RIMS2: variants seen among roughly 807,000 people sequenced by gnomAD.
RIMS2 encodes regulating synaptic membrane exocytosis protein 2.
In RIMS2, 59 loss-of-function variants were observed where a neutral mutation model predicts 174.4. That is an observed-to-expected ratio of 0.34 (90% CI 0.27 to 0.42). The LOEUF (loss-of-function observed/expected upper bound fraction) is 0.42. Ranked by LOEUF, RIMS2 falls within the 10% of genes least tolerant of loss-of-function variation. The pLI is 1.00. For missense variants in RIMS2, 1,620 were observed against 1,666.3 expected (o/e 0.97, Z 0.48); for synonymous variants, 606 against 572.5 (o/e 1.06, Z -0.84).
At chr8:103,539,959 C>T (rs570508905) in intron 1 of RIMS2, among the ~76,000 whole-genome samples, 2 of 152,364 alleles carry the variant, frequency 1.3e-5, no homozygotes, top group East Asian at 3.9e-4. Flanking sequence ...GCTCAGCCAC[C>T]TAACAGAGCA....
intron 3 of RIMS2, among the ~76,000 whole-genome samples, chr8:103,788,781 A>G (rs1402584888): frequency 0.026 from 3,087 of 120,942 alleles, no homozygotes; most frequent in African/African-American, 0.048. Context: ...GGCCTCCTTG[A>G]GCTGTGGTGG....
chr8:103,834,801 G>A (rs1051174413), intron 3 of RIMS2, among the ~76,000 whole-genome samples: 1 of 148,430 alleles, frequency 6.7e-6, no homozygotes, highest in Non-Finnish European at 1.5e-5. Flanking sequence ...TCGAGACAGG[G>A]TCTCACTGTA....
At chr8:104,207,277 T>A (rs1350357880) in intron 19 of RIMS2, among the ~76,000 whole-genome samples, 1 of 152,168 alleles carries the variant, frequency 6.6e-6, no homozygotes, top group Non-Finnish European at 1.5e-5. Context: ...AGCTAGCAAA[T>A]AGAGACTGGA....
chr8:104,096,779 A>G (rs946330358), intron 19 of RIMS2, among the ~76,000 whole-genome samples: 2 of 151,958 alleles, frequency 1.3e-5, no homozygotes. Flanking sequence ...GAGGTGGGAG[A>G]ATCGCTTGAA....
chr8:103,712,886 G>GA (rs1564377830), intron 2 of RIMS2, among the ~76,000 whole-genome samples: 3 of 152,064 alleles, frequency 2.0e-5, no homozygotes, highest in Admixed American at 1.3e-4. Context: ...AAAAGTAAAT[G>GA]AAAAATAAAA....
At chr8:103,856,390 A>G (rs1232504400) in intron 3 of RIMS2, among the ~76,000 whole-genome samples, 1 of 152,322 alleles carries the variant, frequency 6.6e-6, no homozygotes, top group African/African-American at 2.4e-5. Context: ...TTTATGTACA[A>G]GTTTTAACTT....
At chr8:103,626,086 A>T (rs928092082) in intron 1 of RIMS2, among the ~76,000 whole-genome samples, 1 of 152,112 alleles carries the variant, frequency 6.6e-6, no homozygotes, top group African/African-American at 2.4e-5. Context: ...TGAATTATAA[A>T]TTTCTTTATA....
intron 1 of RIMS2, among the ~76,000 whole-genome samples, chr8:103,604,500 A>T (rs1563970642): frequency 6.6e-6 from 1 of 152,036 alleles, no homozygotes; most frequent in African/African-American, 2.4e-5. Context: ...TTGGTTCCAT[A>T]TGAACTTTAA....
intron 19 of RIMS2, among the ~76,000 whole-genome samples, chr8:104,116,013 A>C (rs1421469941): frequency 6.6e-6 from 1 of 152,212 alleles, no homozygotes; most frequent in African/African-American, 2.4e-5. Flanking sequence ...AATGACAAAA[A>C]TTGCTGAACA....
chr8:103,501,173 C>A, intron 1 of RIMS2, 111 bp downstream of exon 1: 1 of 773,854 alleles, frequency 1.3e-6, no homozygotes, highest in Non-Finnish European at 1.8e-6. Flanking sequence ...CCGCTGGCGG[C>A]GCCCAGGCCA....
intron 1 of RIMS2, among the ~76,000 whole-genome samples, chr8:103,535,242 G>A (rs1217349899): frequency 1.3e-5 from 2 of 152,208 alleles, no homozygotes; most frequent in Non-Finnish European, 2.9e-5. Context: ...AGTAGAGTAA[G>A]TTTGGAGGAG....
exon 5 of RIMS2, chr8:103,910,185 C>T: frequency 6.2e-7 from 1 of 1,610,104 alleles, no homozygotes; most frequent in African/African-American, 1.3e-5. Context: ...AGCAGTGAGG[C>T]ATCCCCAATG....
chr8:104,133,186 C>T (rs1479643550), intron 19 of RIMS2, among the ~76,000 whole-genome samples: 5 of 152,092 alleles, frequency 3.3e-5, no homozygotes, highest in Admixed American at 6.6e-5. Flanking sequence ...AAGTGGGGTA[C>T]GTAACATGTG....
rs544963656 is a variant in RIMS2 at position 103,744,242 on chromosome 8, C to A, written c.388-21985C>A. Reference sequence around the variant, plus strand: ...TGTATTTTTACTAGAGATGGGGTGTCACCATGTTAGCCGGGATGGTCTCGA... The same window carrying A: ...TGTATTTTTACTAGAGATGGGGTGTAACCATGTTAGCCGGGATGGTCTCGA... On this transcript the variant is annotated intron_variant, in intron 2 of 23. Coordinates refer to ENST00000504942, the Ensembl canonical transcript of RIMS2. Among the ~76,000 whole-genome samples the A allele has an allele frequency of 3.0e-3, 462 of 151,808 alleles. 1 individual carries two copies. Among genetic ancestry groups the A allele is most frequent in the Non-Finnish European group, 4.8e-3 (329 of 67,934 alleles).
At chr8:104,025,200 G>C (rs1483403539) in intron 19 of RIMS2, among the ~76,000 whole-genome samples, 1 of 152,092 alleles carries the variant, frequency 6.6e-6, no homozygotes, top group Non-Finnish European at 1.5e-5. Context: ...ACAAATAGTT[G>C]TCACATAATA....
At chr8:104,096,331 T>C (rs1264128333) in intron 19 of RIMS2, among the ~76,000 whole-genome samples, 1 of 152,242 alleles carries the variant, frequency 6.6e-6, no homozygotes, top group Non-Finnish European at 1.5e-5. Context: ...GAGAAGACTA[T>C]AACCTTAAGT....
intron 16 of RIMS2, chr8:103,976,590 C>T (rs2093459051): frequency 6.8e-6 from 1 of 147,460 alleles, no homozygotes; most frequent in Admixed American, 6.8e-5. Flanking sequence ...GCTCTGTCAC[C>T]AGGCTGGAGT....
At chr8:104,115,230 T>C (rs1275475252) in intron 19 of RIMS2, among the ~76,000 whole-genome samples, 1 of 152,138 alleles carries the variant, frequency 6.6e-6, no homozygotes, top group Non-Finnish European at 1.5e-5. Context: ...GTTTATTCAA[T>C]GAGGCGTTTT....
intron 19 of RIMS2, among the ~76,000 whole-genome samples, chr8:104,114,690 G>A (rs1213776759): frequency 6.6e-6 from 1 of 151,336 alleles, no homozygotes; most frequent in Non-Finnish European, 1.5e-5. Flanking sequence ...TGAAAAATCT[G>A]GCAATTGCCT....
Sources: gnomAD v4.1 joint callset for allele counts (sites outside exome capture counted in the v4.1 genomes callset) on GRCh38, gnomAD v4.1.1 for gene constraint, MANE v1.5 for transcripts, NCBI Gene and HGNC (gene_info 2026-07-23, HGNC 2026-07-21) for gene names.